The following ADAMTSL1 variants were observed in gnomAD, a reference collection of about 807,000 sequenced individuals.
ADAMTSL1 encodes the protein ADAMTS like 1.
Under a neutral mutation model 201.8 loss-of-function variants are expected in ADAMTSL1, and 126 were observed. The observed-to-expected ratio is 0.62, with a 90% confidence interval of 0.54 to 0.72. ADAMTSL1 has a LOEUF of 0.72. Among genes scored for constraint, ADAMTSL1 ranks in the 30% least tolerant of loss-of-function variants. The pLI is 0.00. For synonymous variants in ADAMTSL1, 1,121 were observed against 903.4 expected (o/e 1.24, Z -4.32); for missense variants, 2,679 against 2,277.8 (o/e 1.18, Z -3.59).
intron 24 of ADAMTSL1, among the ~76,000 whole-genome samples, chr9:18,888,891 C>A (rs1292508892): frequency 2.6e-5 from 4 of 152,180 alleles, no homozygotes; most frequent in East Asian, 3.8e-4. Flanking sequence ...TGTTTTCAGA[C>A]AAGAAAACAA....
At chr9:18,543,047 G>C (rs1008854628) in intron 3 of ADAMTSL1, among the ~76,000 whole-genome samples, 8 of 152,166 alleles carry the variant, frequency 5.3e-5, no homozygotes, top group Admixed American at 3.3e-4. Flanking sequence ...TATTAGGCTG[G>C]ACAGTCAGGT....
chr9:18,048,941 G>T (rs867283979), intron 1 of ADAMTSL1, among the ~76,000 whole-genome samples: 1 of 152,132 alleles, frequency 6.6e-6, no homozygotes, highest in African/African-American at 2.4e-5. Flanking sequence ...GTATCAGCAG[G>T]ATTGTTTTCT....
At chr9:18,373,473 T>C (rs75469162) in intron 2 of ADAMTSL1, among the ~76,000 whole-genome samples, 2,701 of 152,268 alleles carry the variant, frequency 0.018, 74 homozygotes, top group African/African-American at 0.062. Context: ...CTTTTTTTCT[T>C]CCTAAGGTGG....
At chr9:18,185,433 C>G (rs1828690460) in intron 2 of ADAMTSL1, among the ~76,000 whole-genome samples, 1 of 152,090 alleles carries the variant, frequency 6.6e-6, no homozygotes, top group South Asian at 2.1e-4. Context: ...TCTATTTCAG[C>G]CTTGCAAAGC....
chr9:18,334,162 GA>G (rs201279849), intron 2 of ADAMTSL1, among the ~76,000 whole-genome samples: 38 of 151,096 alleles, frequency 2.5e-4, no homozygotes, highest in African/African-American at 8.7e-4. Context: ...AGCATTTAAT[GA>G]AAAAAAAATA....
At chr9:18,178,276 G>A (rs1828272939) in intron 2 of ADAMTSL1, among the ~76,000 whole-genome samples, 1 of 152,108 alleles carries the variant, frequency 6.6e-6, no homozygotes, top group Admixed American at 6.5e-5. Flanking sequence ...GACGGCACCT[G>A]GAAAATCGGG....
chr9:18,079,200 A>T (rs10963437), intron 1 of ADAMTSL1, among the ~76,000 whole-genome samples: 6 of 152,164 alleles, frequency 3.9e-5, no homozygotes, highest in Non-Finnish European at 8.8e-5. Context: ...CTCAAAATGT[A>T]TTCTCAGTCT....
chr9:18,283,742 C>A (rs569243628), intron 2 of ADAMTSL1, among the ~76,000 whole-genome samples: 2 of 148,656 alleles, frequency 1.3e-5, no homozygotes, highest in South Asian at 4.3e-4. Context: ...GAAACCACAT[C>A]TCTACTAAAA....
rs144224968 is a variant in ADAMTSL1 at position 18,190,568 on chromosome 9, A to G, written c.207+26587A>G. ...TCCCAAACTGGGAGATAATTCAGCT[A>G]TTTACAAGATAAGCATTGATTTCTC... On this transcript the variant is annotated intron_variant, in intron 2 of 29. Coordinates refer to the ADAMTSL1 transcript ENST00000680146. Among the ~76,000 whole-genome samples the G allele has an allele frequency of 2.1e-3, 314 of 152,276 alleles. 1 individual carries two copies. Among genetic ancestry groups the G allele is most frequent in the African/African-American group, 6.6e-3 (275 of 41,576 alleles).
At chr9:18,078,732 C>T (rs1209945982) in intron 1 of ADAMTSL1, among the ~76,000 whole-genome samples, 2 of 152,106 alleles carry the variant, frequency 1.3e-5, no homozygotes, top group African/African-American at 2.4e-5. Flanking sequence ...CCCTTCTCAG[C>T]TCCTAGATTT....
At chr9:18,146,039 A>G (rs971866419) in intron 1 of ADAMTSL1, among the ~76,000 whole-genome samples, 5 of 152,172 alleles carry the variant, frequency 3.3e-5, no homozygotes, top group Non-Finnish European at 5.9e-5. Context: ...GAGATACTAC[A>G]CACCTATTAG....
chr9:18,242,726 G>GA (rs1394912684), intron 2 of ADAMTSL1, among the ~76,000 whole-genome samples: 12 of 151,786 alleles, frequency 7.9e-5, no homozygotes, highest in African/African-American at 2.9e-4. Context: ...CAACCTAATT[G>GA]AAAAAATTGA....
At chr9:18,322,524 C>A (rs966453261) in intron 2 of ADAMTSL1, among the ~76,000 whole-genome samples, 1 of 151,956 alleles carries the variant, frequency 6.6e-6, no homozygotes, top group Non-Finnish European at 1.5e-5. Flanking sequence ...TCTCAGCTAC[C>A]TGGGAGGCTG....
chr9:18,879,244 A>G (rs532242278), intron 23 of ADAMTSL1, among the ~76,000 whole-genome samples: 4 of 152,338 alleles, frequency 2.6e-5, no homozygotes, highest in African/African-American at 9.6e-5. Flanking sequence ...TTTCATTCGA[A>G]CATAAATGAA....
At chr9:18,857,382 C>T (rs901028409) in intron 23 of ADAMTSL1, among the ~76,000 whole-genome samples, 18 of 152,174 alleles carry the variant, frequency 1.2e-4, no homozygotes, top group Non-Finnish European at 2.5e-4. Context: ...AACAGTTCCT[C>T]GGGCTTCCCT....
rs185484316 is a variant in ADAMTSL1, at chr9:18,643,446, C to G, written c.834+4035C>G. On this transcript the variant is annotated intron_variant, in intron 7 of 28. Coordinates refer to ENST00000380548, the MANE Select transcript of ADAMTSL1 (RefSeq NM_001040272.6). ...ATGTAATCCCATTTATCTATTTTTG[C>G]TTTTGTTGCCTGTACTTTTGGGTCA... Among the ~76,000 whole-genome samples the G allele has an allele frequency of 1.3e-3, 192 of 151,938 alleles. 5 individuals are homozygous for G. The highest frequency in any genetic ancestry group is 0.013 in the Admixed American group (191 of 15,212).
chr9:18,109,389 C>T (rs1432443624), intron 1 of ADAMTSL1, among the ~76,000 whole-genome samples: 3 of 152,112 alleles, frequency 2.0e-5, no homozygotes, highest in African/African-American at 7.2e-5. Context: ...CAGGAAGTAG[C>T]TGACTGCAGT....
intron 2 of ADAMTSL1, among the ~76,000 whole-genome samples, chr9:18,281,731 A>G (rs909687596): frequency 1.3e-5 from 2 of 152,258 alleles, no homozygotes; most frequent in East Asian, 3.9e-4. Flanking sequence ...TTGAGTTCAC[A>G]TTTAATATTT....
At chr9:18,242,531 A>G (rs1357900609) in intron 2 of ADAMTSL1, among the ~76,000 whole-genome samples, 2 of 152,166 alleles carry the variant, frequency 1.3e-5, no homozygotes, top group Non-Finnish European at 2.9e-5. Context: ...CAAGGAAAAG[A>G]AATAAAAGGC....
Sources: gnomAD v4.1 joint callset for allele counts (sites outside exome capture counted in the v4.1 genomes callset) on GRCh38, gnomAD v4.1.1 for gene constraint, MANE v1.5 for transcripts, NCBI Gene and HGNC (gene_info 2026-07-23, HGNC 2026-07-21) for gene names.